Variants in LRFN3 observed in about 807,000 individuals in gnomAD.
LRFN3 encodes the protein leucine-rich repeat and fibronectin type-III domain-containing protein 3.
In LRFN3, 8 loss-of-function variants were observed where a neutral mutation model predicts 23.8. That is an observed-to-expected ratio of 0.34 (90% CI 0.20 to 0.61). The LOEUF (loss-of-function observed/expected upper bound fraction) is 0.61, where lower values mean the gene tolerates loss of function less well. Among genes scored for constraint, LRFN3 ranks in the 20% least tolerant of loss-of-function variants. The pLI, the probability that LRFN3 is intolerant of heterozygous loss-of-function variation, is 0.80. For missense variants in LRFN3, 736 were observed against 935.3 expected, an observed-to-expected ratio of 0.79 and a Z score of 2.78; for synonymous variants, 451 against 450.6, an observed-to-expected ratio of 1.00 and a Z score of -0.01.
Position 35,944,829 on chromosome 19 carries a change from G to A in LRFN3, c.1697G>A (p.Gly566Asp). The A allele has an allele frequency of 6.2e-7, 1 of 1,607,766 alleles. No homozygotes were observed. Among genetic ancestry groups the A allele is most frequent in the South Asian group, 1.1e-5 (1 of 90,960 alleles). Reference sequence around the variant, plus strand: ...CTGCTAATGCGCTACAAGGTGCACGGCGGCCAGCCCCCCGGCAAGGCCAAG... The same window carrying A: ...CTGCTAATGCGCTACAAGGTGCACGACGGCCAGCCCCCCGGCAAGGCCAAG... ...FVLLMRYKVH[G>D]GQPPGKAKIP... The change falls in exon 3 of 3, where the codon GGC becomes GAC. Residue 566 changes from glycine (G) to aspartate (D), a missense_variant. Coordinates refer to ENST00000246529, the MANE Select transcript of LRFN3 (RefSeq NM_024509.2). This position sits in a 1 kb window ranked among gnomAD's most constrained non-coding sequence, Gnocchi z 4.5.
At position 35,939,806 on chromosome 19, in the gene LRFN3, G is replaced by A. The variant is rs115371487; in HGVS notation, c.381G>A (p.Leu127=). ...TGACCTCACTGGGCGAGGGCCAGCT[G>A]CGCGGCCTGGTCAACTTGCGCCACC... The part of the protein sequence containing the change: ...NRLTSLGEGQ[L]RGLVNLRHLI... Residue 127 remains leucine, a synonymous_variant, in exon 2 of 3, where the codon CTG becomes CTA. Coordinates refer to ENST00000246529, the MANE Select transcript of LRFN3 (RefSeq NM_024509.2). This position sits in a 1 kb window ranked among gnomAD's most constrained non-coding sequence, Gnocchi z 6.4. 105 of 1,603,220 alleles carry A rather than the reference G, an allele frequency of 6.5e-5. No homozygotes were observed. In the East Asian group the frequency reaches 1.5e-3, roughly 23 times the overall value.
chr19:35,936,510 C>A lies in LRFN3; in HGVS notation c.-1062C>A, dbSNP rs1367114920. 1 of 149,914 alleles carries A rather than the reference C, an allele frequency of 6.7e-6. No individual in the cohort carries two copies. Among genetic ancestry groups the A allele is most frequent in the African/African-American group, 2.4e-5 (1 of 40,966 alleles). The allele number at this position is 149,914 out of a possible 1,614,324, so 9.3% of individuals were successfully genotyped here. A position where few individuals can be genotyped will look rare whatever the true frequency, so the allele number is the denominator to read the frequency against. On this transcript the variant is annotated 5_prime_UTR_variant, in exon 1 of 3. Coordinates refer to ENST00000246529, the MANE Select transcript of LRFN3 (RefSeq NM_024509.2). ...GGAGGGGTCTCTGAGCGCGGCCCCT[C>A]CCCCCTGCGCCCCCGCCTGCGCTGC...
In LRFN3 at chr19:35,939,210, C is replaced by T. The variant is rs1295608780; in HGVS notation, c.-16-200C>T. 6.6e-6 allele frequency among the ~76,000 whole-genome samples: 1 copy of T among 152,220 alleles called. No individual in the cohort carries two copies. Among genetic ancestry groups the T allele is most frequent in the African/African-American group, 2.4e-5 (1 of 41,454 alleles). On this transcript the variant is annotated intron_variant, in intron 1 of 2. Transcript: ENST00000246529. This position sits in a 1 kb window ranked among gnomAD's most constrained non-coding sequence, Gnocchi z 6.4. Reference sequence around the variant, plus strand: ...TGAACTCCTGGCCTCAAGCCATCCTCCTGCCTCAGCCTCCCCAAATGCTGG... The same window carrying T: ...TGAACTCCTGGCCTCAAGCCATCCTTCTGCCTCAGCCTCCCCAAATGCTGG...
chr19:35,944,989 G>C lies in LRFN3; in HGVS notation c.1857G>C (p.Trp619Cys). The C allele has an allele frequency of 7.1e-7, 1 of 1,399,786 alleles. No homozygotes were observed. The highest frequency in any genetic ancestry group is 9.2e-7 in the Non-Finnish European group (1 of 1,088,134). The allele number at this position is 1,399,786 out of a possible 1,614,324, so 86.7% of individuals were successfully genotyped here. A position where few individuals can be genotyped will look rare whatever the true frequency, so the allele number is the denominator to read the frequency against. Residue 619 changes from tryptophan (W) to cysteine (C), a missense_variant, in exon 3 of 3, where the codon TGG (tryptophan) becomes TGC (cysteine). This residue lies in a region of LRFN3 where 290 missense variants were observed against 287.4 expected (regional missense o/e 1.01). Transcript: ENST00000246529. This position sits in a 1 kb window ranked among gnomAD's most constrained non-coding sequence, Gnocchi z 4.5. ...HTVVQLDCEP[W>C]GPGHEPVGP The stretch of plus-strand genomic sequence containing the variant: ...TGGTCCAGCTGGACTGCGAGCCCTG[G>C]GGGCCCGGCCACGAACCTGTGGGAC...
rs776999907 is a variant in LRFN3 at position 35,939,648 on chromosome 19, C to T, written c.223C>T (p.Arg75Cys). ...RLADNFIASVRRRDLANMTGL... is the reference protein window; with the variant it reads ...RLADNFIASVCRRDLANMTGL... ...GGCAGACAACTTCATCGCCTCCGTG[C>T]GCCGCCGCGACCTGGCCAACATGAC... The change falls in exon 2 of 3, where the codon CGC becomes TGC. Residue 75 changes from arginine (R) to cysteine (C), a missense_variant. Physicochemically the swap from Arg to Cys is radical, Grantham distance 180. Around this residue, in one of 2 missense-constraint regions of LRFN3, gnomAD observed 446 missense variants for 647.9 expected, o/e 0.69. Coordinates refer to ENST00000246529, the MANE Select transcript of LRFN3 (RefSeq NM_024509.2). The surrounding 1 kb of genome is among the most constrained non-coding windows in gnomAD (Gnocchi z 6.4). The T allele has an allele frequency of 7.5e-6, 12 of 1,608,408 alleles. No homozygotes were observed. The highest frequency in any genetic ancestry group is 4.5e-5 in the East Asian group (2 of 44,862).
At position 35,940,758 on chromosome 19, in the gene LRFN3, T is replaced by C; in HGVS notation, c.1333T>C (p.Trp445Arg). ...EHGATAALVQ[W>R]PDQRPIPGIR... is the part of the protein sequence containing the mutation. The stretch of plus-strand genomic sequence containing the variant: ...CGGGGCCACAGCTGCTCTTGTCCAG[T>C]GGCCGGATCAGCGGCCTATCCCGGG... Residue 445 changes from tryptophan to arginine, a missense_variant, in exon 2 of 3, where the codon TGG (tryptophan) becomes CGG (arginine). This residue lies in a region of LRFN3 where 290 missense variants were observed against 287.4 expected (regional missense o/e 1.01). Transcript: ENST00000246529. 3 of 1,612,742 alleles carry C rather than the reference T, an allele frequency of 1.9e-6. No individual in the cohort carries two copies. Among genetic ancestry groups the C allele is most frequent in the Non-Finnish European group, 2.5e-6 (3 of 1,179,324 alleles).
At chr19:35,943,164 G>A (rs1215132300) in intron 2 of LRFN3, among the ~76,000 whole-genome samples, 2 of 152,142 alleles carry the variant, frequency 1.3e-5, no homozygotes, top group Non-Finnish European at 2.9e-5. Flanking sequence ...AATAGCCTAG[G>A]AATAAAACAG....
Position 35,939,998 on chromosome 19 carries a change from G to T in LRFN3, c.573G>T (p.Leu191=), listed in dbSNP as rs1252927692. The T allele has an allele frequency of 6.2e-7, 1 of 1,611,664 alleles. No homozygotes were observed. Among genetic ancestry groups the T allele is most frequent in the East Asian group, 2.2e-5 (1 of 44,846 alleles). The part of the protein sequence containing the change: ...NVNTLGLDHN[L]LASVPAGAFS... ...ACACGTTGGGCCTCGACCACAACCTGCTGGCTTCTGTGCCCGCCGGCGCTT... is the reference window on the plus strand; with the variant it reads ...ACACGTTGGGCCTCGACCACAACCTTCTGGCTTCTGTGCCCGCCGGCGCTT... The change falls in exon 2 of 3, where the codon CTG becomes CTT. Residue 191 remains leucine, a synonymous_variant. Coordinates refer to ENST00000246529, the MANE Select transcript of LRFN3 (RefSeq NM_024509.2). This position sits in a 1 kb window ranked among gnomAD's most constrained non-coding sequence, Gnocchi z 6.4.
In LRFN3 at chr19:35,946,163, G is replaced by A. The variant is rs1976176138; in HGVS notation, c.*1144G>A. Among the ~76,000 whole-genome samples, 2 of 151,892 alleles carry A rather than the reference G, an allele frequency of 1.3e-5. No homozygotes were observed. Among genetic ancestry groups the A allele is most frequent in the Non-Finnish European group, 2.9e-5 (2 of 67,950 alleles). On this transcript the variant is annotated 3_prime_UTR_variant, in exon 3 of 3. Coordinates refer to ENST00000246529, the MANE Select transcript of LRFN3 (RefSeq NM_024509.2). Reference sequence around the variant, plus strand: ...GTGGGGAACTTGGTAGGTGTAGGGGGCCCTGAGGATGTCCAGGATGTGGCA... The same window carrying A: ...GTGGGGAACTTGGTAGGTGTAGGGGACCCTGAGGATGTCCAGGATGTGGCA...
rs750877490 is a variant in LRFN3 at position 35,944,894 on chromosome 19, G to C, written c.1762G>C (p.Gly588Arg). Residue 588 changes from glycine (G) to arginine (R), a missense_variant, in exon 3 of 3, where the codon GGC (glycine) becomes CGC (arginine). This residue lies in a region of LRFN3 where 290 missense variants were observed against 287.4 expected (regional missense o/e 1.01). Transcript: ENST00000246529. This position sits in a 1 kb window ranked among gnomAD's most constrained non-coding sequence, Gnocchi z 4.5. ...PVSSVCSQTN[G>R]ALGPTPTPAP... ...TAGCAGCGTTTGCTCCCAGACCAACGGCGCCCTGGGCCCCACGCCCACGCC... is the reference window on the plus strand; with the variant it reads ...TAGCAGCGTTTGCTCCCAGACCAACCGCGCCCTGGGCCCCACGCCCACGCC... The C allele has an allele frequency of 3.1e-6, 5 of 1,591,462 alleles. No individual in the cohort carries two copies. The highest frequency in any genetic ancestry group is 4.2e-6 in the Non-Finnish European group (5 of 1,176,618).
intron 2 of LRFN3, among the ~76,000 whole-genome samples, chr19:35,943,463 A>C (rs1313297813): frequency 1.3e-5 from 2 of 152,158 alleles, no homozygotes; most frequent in Non-Finnish European, 2.9e-5. Context: ...GGCTAGGGGG[A>C]CATTTATTGG....
rs543158558 is a variant in LRFN3 at position 35,940,811 on chromosome 19, C to A, written c.1386C>A (p.Asn462Lys). The A allele has an allele frequency of 8.2e-6, 13 of 1,586,492 alleles. No homozygotes were observed. In the East Asian group the frequency reaches 2.7e-4, roughly 33 times the overall value. ...PGIRMYQIQY[N>K]SSADDILVYR... is the part of the protein sequence containing the mutation. ...TCCGCATGTACCAGATCCAGTACAA[C>A]AGCTCGGCTGATGACATCCTCGTCT... Residue 462 changes from asparagine (N) to lysine (K), a missense_variant, in exon 2 of 3, where the codon AAC becomes AAA. Physicochemically the swap from Asn to Lys is moderately conservative, Grantham distance 94. This residue lies in a region of LRFN3 where 290 missense variants were observed against 287.4 expected (regional missense o/e 1.01). Transcript: ENST00000246529.
chr19:35,937,430 C>G lies in LRFN3; in HGVS notation c.-142C>G, dbSNP rs1162633856. On this transcript the variant is annotated 5_prime_UTR_variant, in exon 1 of 3. Transcript: ENST00000246529. ...CCGTTGCCACAGATTTGAGCCGAGT[C>G]AGGACACAGTCCCTCTACAGAAGCC... 2 of 152,618 alleles carry G rather than the reference C, an allele frequency of 1.3e-5. No individual in the cohort carries two copies. Among genetic ancestry groups the G allele is most frequent in the East Asian group, 3.9e-4 (2 of 5,194 alleles). 9.5% of individuals were successfully genotyped at this position (152,618 alleles called of 1,614,324 possible). A position where few individuals can be genotyped will look rare whatever the true frequency, so the allele number is the denominator to read the frequency against.
intron 2 of LRFN3, among the ~76,000 whole-genome samples, chr19:35,943,900 AC>A (rs1976148498): frequency 6.6e-6 from 1 of 152,058 alleles, no homozygotes; most frequent in African/African-American, 2.4e-5. Flanking sequence ...ATAAAATGAA[AC>A]CGGCAAGGTG....
chr19:35,940,178 G>A lies in LRFN3; in HGVS notation c.753G>A (p.Leu251=), dbSNP rs892462709. 1 of 1,610,216 alleles carries A rather than the reference G, an allele frequency of 6.2e-7. No individual in the cohort carries two copies. Among genetic ancestry groups the A allele is most frequent in the African/African-American group, 1.3e-5 (1 of 75,048 alleles). Residue 251 remains leucine, a synonymous_variant, in exon 2 of 3, where the codon CTG becomes CTA. Transcript: ENST00000246529. ...TGCTGGCCTTTGGCGGGAACCCCCT[G>A]CACTGCAACTGCGAGCTGGTGTGGC... ...ALVLAFGGNP[L]HCNCELVWLR...
In LRFN3 at chr19:35,940,056, A is replaced by T; in HGVS notation, c.631A>T (p.Met211Leu). 1.2e-6 allele frequency: 2 copies of T among 1,612,280 alleles called. No individual in the cohort carries two copies. Among genetic ancestry groups the T allele is most frequent in the South Asian group, 1.1e-5 (1 of 91,070 alleles). The change falls in exon 2 of 3, where the codon ATG becomes TTG. Residue 211 changes from methionine to leucine, a missense_variant. Around this residue, in one of 2 missense-constraint regions of LRFN3, gnomAD observed 446 missense variants for 647.9 expected, o/e 0.69. Transcript: ENST00000246529. Reference protein sequence around the residue: ...SRLHKLARLDMTSNRLTTIPP... With the variant: ...SRLHKLARLDLTSNRLTTIPP... ...CCTGCACAAGCTGGCCCGGCTGGAC[A>T]TGACCTCCAACCGCCTGACCACAAT...
In LRFN3 at chr19:35,945,428, G is replaced by A. The variant is rs1255617995; in HGVS notation, c.*409G>A. ...ATCCAGATAGCCCTGAGCCCTGCCC[G>A]CAGGGGCCTAAAGTCAAATGGGAGA... is the stretch of plus-strand genomic sequence containing the variant. On this transcript the variant is annotated 3_prime_UTR_variant, in exon 3 of 3. Transcript: ENST00000246529. 1 of 166,556 alleles carries A rather than the reference G, an allele frequency of 6.0e-6. No homozygotes were observed. The highest frequency in any genetic ancestry group is 1.3e-5 in the Non-Finnish European group (1 of 78,022). 10.3% of individuals were successfully genotyped at this position (166,556 alleles called of 1,614,324 possible). A position where few individuals can be genotyped will look rare whatever the true frequency, so the allele number is the denominator to read the frequency against.
At position 35,940,183 on chromosome 19, in the gene LRFN3, G is replaced by T; in HGVS notation, c.758G>T (p.Cys253Phe). The T allele has an allele frequency of 6.2e-7, 1 of 1,609,942 alleles. No homozygotes were observed. Residue 253 changes from cysteine to phenylalanine, a missense_variant, in exon 2 of 3, where the codon TGC becomes TTC. Around this residue, in one of 2 missense-constraint regions of LRFN3, gnomAD observed 446 missense variants for 647.9 expected, o/e 0.69. Coordinates refer to ENST00000246529, the MANE Select transcript of LRFN3 (RefSeq NM_024509.2). ...VLAFGGNPLH[C>F]NCELVWLRRL... The stretch of plus-strand genomic sequence containing the variant: ...GCCTTTGGCGGGAACCCCCTGCACT[G>T]CAACTGCGAGCTGGTGTGGCTGCGT...
chr19:35,940,502 T>G lies in LRFN3; in HGVS notation c.1077T>G (p.Gly359=), dbSNP rs1208093010. 1.2e-6 allele frequency: 2 copies of G among 1,611,598 alleles called. No homozygotes were observed. Among genetic ancestry groups the G allele is most frequent in the African/African-American group, 2.7e-5 (2 of 74,908 alleles). The change falls in exon 2 of 3, where the codon GGT becomes GGG. Residue 359 remains glycine, a synonymous_variant. Transcript: ENST00000246529. ...TGGAGCTGCTGGTCACCGAGCCGGG[T>G]GATGGTGGCATCTTCACCTGCATTG... The part of the protein sequence containing the change: ...GTLELLVTEP[G]DGGIFTCIAA...
Sources: gnomAD v4.1 joint callset for allele counts (sites outside exome capture counted in the v4.1 genomes callset) on GRCh38, gnomAD v4.1.1 for gene constraint, gnomAD v4.1.1 regional missense constraint, Gnocchi (gnomAD v3.1) non-coding constraint, MANE v1.5 for transcripts, NCBI Gene and HGNC (gene_info 2026-07-23, HGNC 2026-07-21) for gene names.